CADPS2: variants seen among roughly 807,000 people sequenced by gnomAD.
The protein encoded by CADPS2 is calcium dependent secretion activator 2.
Under a neutral mutation model 172.5 loss-of-function variants are expected in CADPS2, and 93 were observed. That is an observed-to-expected ratio of 0.54 (90% CI 0.46 to 0.64). The LOEUF (loss-of-function observed/expected upper bound fraction) is 0.64, where lower values mean the gene tolerates loss of function less well. Ranked by LOEUF, CADPS2 falls within the 30% of genes least tolerant of loss-of-function variation. The pLI is 0.00. For synonymous variants in CADPS2, 546 were observed against 555.2 expected (o/e 0.98, Z 0.23); for missense variants, 1,420 against 1,565.9 (o/e 0.91, Z 1.57).
chr7:122,454,128 G>A (rs1050277734), intron 14 of CADPS2, among the ~76,000 whole-genome samples: 14 of 152,098 alleles, frequency 9.2e-5, no homozygotes, highest in African/African-American at 2.7e-4. Flanking sequence ...AATTCTTCCC[G>A]ATAAGTGCAA....
At chr7:122,882,650 G>A (rs1331167759) in intron 1 of CADPS2, among the ~76,000 whole-genome samples, 2 of 148,590 alleles carry the variant, frequency 1.3e-5, no homozygotes, top group African/African-American at 5.0e-5. Flanking sequence ...CTCCTCCGAG[G>A]TCTCAATGTT....
intron 28 of CADPS2, among the ~76,000 whole-genome samples, chr7:122,328,309 T>C (rs892987145): frequency 6.6e-6 from 1 of 152,088 alleles, no homozygotes; most frequent in Non-Finnish European, 1.5e-5. Context: ...AAGTCAAAGA[T>C]AGGTTCTCTC....
chr7:122,327,207 A>G (rs2034039080), intron 28 of CADPS2, among the ~76,000 whole-genome samples: 1 of 152,084 alleles, frequency 6.6e-6, no homozygotes, highest in Non-Finnish European at 1.5e-5. Context: ...AGATACTTTA[A>G]TTTCCGACAC....
At position 122,456,866 on chromosome 7, in the gene CADPS2, C is replaced by T. The variant is rs926224012; in HGVS notation, c.2187-5391G>A. Among the ~76,000 whole-genome samples the T allele has an allele frequency of 5.0e-4, 76 of 152,186 alleles. 1 individual carries two copies. Among genetic ancestry groups the T allele is most frequent in the Admixed American group, 5.0e-3 (76 of 15,276 alleles). ...TATATACATATTTTCTTAAATTTCT[C>T]CATGAGCTAAGCAATCTTGTAATTT... is the stretch of plus-strand genomic sequence containing the variant. On this transcript the variant is annotated intron_variant, in intron 14 of 29. Transcript: ENST00000449022.
intron 1 of CADPS2, among the ~76,000 whole-genome samples, chr7:122,759,197 G>A (rs758437464): frequency 1.3e-5 from 2 of 152,078 alleles, no homozygotes; most frequent in Non-Finnish European, 2.9e-5. Flanking sequence ...GTTTGGGTTT[G>A]TTTACCTGAC....
At chr7:122,473,806 G>A (rs1218379409) in intron 13 of CADPS2, among the ~76,000 whole-genome samples, 2 of 152,038 alleles carry the variant, frequency 1.3e-5, no homozygotes, top group Non-Finnish European at 2.9e-5. Flanking sequence ...ACACATACCA[G>A]GAAACAGTTT....
chr7:122,583,219 T>C (rs1320539632), intron 6 of CADPS2, among the ~76,000 whole-genome samples: 1 of 152,066 alleles, frequency 6.6e-6, no homozygotes, highest in East Asian at 1.9e-4. Context: ...CATTTATGCA[T>C]TAAAATATTT....
At chr7:122,823,964 C>T (rs73718020) in intron 1 of CADPS2, among the ~76,000 whole-genome samples, 2,448 of 152,174 alleles carry the variant, frequency 0.016, 61 homozygotes, top group African/African-American at 0.056. Context: ...TCCATTTCCA[C>T]ACTCCAATCT....
In CADPS2 at chr7:122,393,490, C is replaced by T. The variant is rs368742944; in HGVS notation, c.2839G>A (p.Ala947Thr). The change falls in exon 21 of 30, where the codon GCC becomes ACC. Residue 947 changes from alanine to threonine, a missense_variant. Transcript: ENST00000449022. ...RYVDLMESSI[A>T]QSIHRGFEQE... ...TCAAAACCTCTGTGAATTGACTGGG[C>T]GATGGAAGACTCCATGAGATCCACA... is the stretch of plus-strand genomic sequence containing the variant. 30 of 1,613,706 alleles carry T rather than the reference C, an allele frequency of 1.9e-5. No homozygotes were observed. Among genetic ancestry groups the T allele is most frequent in the East Asian group, 2.2e-5 (1 of 44,862 alleles).
At chr7:122,442,646 T>G (rs2051509779) in intron 15 of CADPS2, among the ~76,000 whole-genome samples, 10 of 152,208 alleles carry the variant, frequency 6.6e-5, no homozygotes, top group Admixed American at 6.5e-4. Flanking sequence ...ACAACTATTT[T>G]TTAATAGAAG....
In CADPS2 at chr7:122,698,072, T is replaced by C. The variant is rs188472847; in HGVS notation, c.454-34503A>G. 1.6e-5 allele frequency: 26 copies of C among 1,614,036 alleles called. 1 individual carries two copies. The Middle Eastern group carries it at 6.6e-4, about 41-fold the overall frequency. Reference sequence around the variant, plus strand: ...CCATGGGGTAAAATCCAGGGGTCAATGCAATTCTTGTGGAAAAAATGTTTA... The same window carrying C: ...CCATGGGGTAAAATCCAGGGGTCAACGCAATTCTTGTGGAAAAAATGTTTA... On this transcript the variant is annotated intron_variant, in intron 2 of 29. Coordinates refer to ENST00000449022, the MANE Select transcript of CADPS2 (RefSeq NM_017954.11).
chr7:122,635,646 A>G (rs964328972), intron 3 of CADPS2, among the ~76,000 whole-genome samples: 2 of 152,110 alleles, frequency 1.3e-5, no homozygotes, highest in Non-Finnish European at 2.9e-5. Context: ...TCCATGGTGT[A>G]TATGTGCCAC....
chr7:122,527,124 T>G (rs1487178968), intron 8 of CADPS2, among the ~76,000 whole-genome samples: 1 of 152,162 alleles, frequency 6.6e-6, no homozygotes, highest in Non-Finnish European at 1.5e-5. Context: ...ATCAAGAGTA[T>G]TCAAATAATT....
At chr7:122,704,315 T>C (rs968144067) in intron 2 of CADPS2, among the ~76,000 whole-genome samples, 5 of 152,140 alleles carry the variant, frequency 3.3e-5, no homozygotes, top group African/African-American at 1.2e-4. Flanking sequence ...TGTTGAAGCA[T>C]GATTCAGGTA....
At chr7:122,817,520 C>T (rs1290841578) in intron 1 of CADPS2, among the ~76,000 whole-genome samples, 1 of 152,130 alleles carries the variant, frequency 6.6e-6, no homozygotes, top group Non-Finnish European at 1.5e-5. Context: ...GCAGCCTTCC[C>T]TTGGTGTTTA....
chr7:122,745,505 C>A (rs944089976), intron 1 of CADPS2, among the ~76,000 whole-genome samples: 3 of 151,488 alleles, frequency 2.0e-5, no homozygotes, highest in African/African-American at 7.3e-5. Context: ...TTTATCCCTA[C>A]GCAATGTGTT....
At chr7:122,631,631 T>C (rs1274220281) in intron 3 of CADPS2, among the ~76,000 whole-genome samples, 2 of 151,998 alleles carry the variant, frequency 1.3e-5, no homozygotes, top group Non-Finnish European at 2.9e-5. Context: ...GAAAAAAAAG[T>C]AAGCAACAAA....
chr7:122,708,461 G>GATATATATATATAT (rs3034549), intron 2 of CADPS2, among the ~76,000 whole-genome samples: 2 of 128,204 alleles, frequency 1.6e-5, no homozygotes, highest in Admixed American at 7.9e-5. Flanking sequence ...TATGTGTGTG[G>GATATATATATATAT]ATATATATAT....
chr7:122,812,925 T>C (rs1452765771), intron 1 of CADPS2, among the ~76,000 whole-genome samples: 1 of 152,154 alleles, frequency 6.6e-6, no homozygotes, highest in East Asian at 1.9e-4. Context: ...TGAAAACACA[T>C]CGGATGTTTT....
Sources: allele counts gnomAD v4.1 joint callset (sites outside exome capture counted in the v4.1 genomes callset), GRCh38; gene constraint gnomAD v4.1.1; transcripts MANE v1.5; gene names NCBI Gene and HGNC (gene_info 2026-07-23, HGNC 2026-07-21).